GRIK4: variants seen among roughly 807,000 people sequenced by gnomAD.
GRIK4 encodes the protein glutamate receptor ionotropic, kainate 4.
GRIK4 carries 40 observed loss-of-function variants against 104.9 expected under a neutral mutation model. That is an observed-to-expected ratio of 0.38 (90% CI 0.30 to 0.50). The LOEUF is 0.50. Ranked by LOEUF, GRIK4 falls within the 20% of genes least tolerant of loss-of-function variation. The pLI is 0.93. For missense variants in GRIK4, 1,047 were observed against 1,308.1 expected, an observed-to-expected ratio of 0.80 and a Z score of 3.08; for synonymous variants, 485 against 524.9, an observed-to-expected ratio of 0.92 and a Z score of 1.04.
intron 3 of GRIK4, among the ~76,000 whole-genome samples, chr11:120,774,752 G>C (rs1952008766): frequency 6.6e-6 from 1 of 152,226 alleles, no homozygotes; most frequent in Admixed American, 6.5e-5. Flanking sequence ...GGAGGGGAAA[G>C]ATATCAGGGT....
chr11:120,970,638 G>A (rs1335205708), intron 19 of GRIK4, among the ~76,000 whole-genome samples: 1 of 151,808 alleles, frequency 6.6e-6, no homozygotes, highest in African/African-American at 2.4e-5. Flanking sequence ...AGCCCCATTG[G>A]CAAGCTCTGG....
chr11:120,983,967 C>T (rs190673335), intron 20 of GRIK4, among the ~76,000 whole-genome samples: 24 of 152,244 alleles, frequency 1.6e-4, no homozygotes, highest in Admixed American at 3.9e-4. Context: ...GGTTAAGTGA[C>T]TTGCCAAGAG....
intron 1 of GRIK4, among the ~76,000 whole-genome samples, chr11:120,580,196 GTTCTTTCTTTCTTTCTTTCTTTCT>G (rs71301639): frequency 1.8e-3 from 235 of 133,210 alleles, no homozygotes; most frequent in Admixed American, 2.6e-3. Context: ...GAGTACAAGG[GTTCTTTCTTTCTTTCTTTCTTTCT>G]TTCTTTCTTT....
At chr11:120,737,220 C>G (rs1001777963) in intron 3 of GRIK4, among the ~76,000 whole-genome samples, 3 of 152,090 alleles carry the variant, frequency 2.0e-5, no homozygotes, top group African/African-American at 7.2e-5. Context: ...CTTGTCACTA[C>G]TATTTGAATG....
rs985494252 is a variant in GRIK4, at chr11:120,551,676, G to A, written c.-159+39789G>A. Among the ~76,000 whole-genome samples the A allele has an allele frequency of 2.0e-5, 3 of 152,124 alleles. No homozygotes were observed. The East Asian group carries it at 5.8e-4, about 29-fold the overall frequency. On this transcript the variant is annotated intron_variant, in intron 1 of 20. Coordinates refer to ENST00000527524, the MANE Select transcript of GRIK4 (RefSeq NM_014619.5). ...GGCGCCTTTAGTCCCAACTGCTCGG[G>A]AGGCTGAGGCAGGAGAATCGATTGA...
At chr11:120,732,180 G>A (rs1159224591) in intron 3 of GRIK4, among the ~76,000 whole-genome samples, 1 of 151,976 alleles carries the variant, frequency 6.6e-6, no homozygotes, top group Non-Finnish European at 1.5e-5. Flanking sequence ...TGCCCAAACT[G>A]CAGTGCAGTG....
chr11:120,833,055 G>A (rs1041648001), intron 7 of GRIK4, among the ~76,000 whole-genome samples: 8 of 152,134 alleles, frequency 5.3e-5, no homozygotes, highest in African/African-American at 1.9e-4. Flanking sequence ...GGAGCCCGCA[G>A]ACACTCAGAT....
In GRIK4 at chr11:120,594,693, A is replaced by G. The variant is rs568316669; in HGVS notation, c.-158-58992A>G. Among the ~76,000 whole-genome samples the G allele has an allele frequency of 1.8e-4, 27 of 152,174 alleles. 1 individual carries two copies. Among genetic ancestry groups the G allele is most frequent in the African/African-American group, 4.1e-4 (17 of 41,524 alleles). On this transcript the variant is annotated intron_variant, in intron 1 of 20. Transcript: ENST00000527524. The stretch of plus-strand genomic sequence containing the variant: ...TTCAGATATAGGGTACTTTTCTTCC[A>G]TGAAAGAGGTGGTGGTATTTTCAGG...
intron 8 of GRIK4, among the ~76,000 whole-genome samples, chr11:120,842,460 G>T (rs967771293): frequency 6.6e-6 from 1 of 152,224 alleles, no homozygotes; most frequent in Non-Finnish European, 1.5e-5. Flanking sequence ...CATGTGCCCA[G>T]GGAGAAGAGG....
chr11:120,554,851 G>A (rs906701471), intron 1 of GRIK4, among the ~76,000 whole-genome samples: 24 of 152,294 alleles, frequency 1.6e-4, no homozygotes, highest in African/African-American at 5.5e-4. Flanking sequence ...GAGCCACCGC[G>A]CCTGGCCCCT....
rs1351975249 is a variant in GRIK4, at chr11:120,745,789, A to G, written c.83-56904A>G. On this transcript the variant is annotated intron_variant, in intron 3 of 20. Transcript: ENST00000527524. ...TAGGGGCCAGGATGAAGACTGAGAA[A>G]GAGATAGAGCTTGTTTTGGACTGTA... Among the ~76,000 whole-genome samples, 3 of 152,218 alleles carry G rather than the reference A, an allele frequency of 2.0e-5. No individual in the cohort carries two copies. The South Asian group carries it at 6.2e-4, about 32-fold the overall frequency.
At chr11:120,798,943 T>C (rs975207972) in intron 3 of GRIK4, among the ~76,000 whole-genome samples, 2 of 152,194 alleles carry the variant, frequency 1.3e-5, no homozygotes, top group African/African-American at 4.8e-5. Context: ...AGCACACTCT[T>C]GAATGTTTAC....
chr11:120,891,154 A>C (rs1033680983), intron 11 of GRIK4, among the ~76,000 whole-genome samples: 51 of 152,326 alleles, frequency 3.3e-4, no homozygotes, highest in African/African-American at 1.2e-3. Flanking sequence ...CCTCAGCGGC[A>C]GGGCGTGCAA....
chr11:120,842,877 G>T (rs141880212), intron 8 of GRIK4, among the ~76,000 whole-genome samples: 2 of 152,272 alleles, frequency 1.3e-5, no homozygotes, highest in Admixed American at 1.3e-4. Flanking sequence ...GGTTGATGCC[G>T]TAAGAGAAGA....
chr11:120,617,326 A>G (rs1016441142), intron 1 of GRIK4, among the ~76,000 whole-genome samples: 27 of 152,152 alleles, frequency 1.8e-4, no homozygotes, highest in African/African-American at 6.5e-4. Flanking sequence ...AAGAAGATTA[A>G]TAGTTCATGA....
chr11:120,844,935 G>A (rs1244241440), intron 8 of GRIK4, among the ~76,000 whole-genome samples: 2 of 152,180 alleles, frequency 1.3e-5, no homozygotes, highest in Non-Finnish European at 2.9e-5. Flanking sequence ...GGCTGATTGT[G>A]ACAAGTGGTC....
intron 1 of GRIK4, among the ~76,000 whole-genome samples, chr11:120,570,751 C>A (rs1948388084): frequency 6.6e-6 from 1 of 152,178 alleles, no homozygotes; most frequent in African/African-American, 2.4e-5. Flanking sequence ...TAATGCCCAG[C>A]CAATTTTCTG....
intron 3 of GRIK4, among the ~76,000 whole-genome samples, chr11:120,784,390 C>G (rs997254317): frequency 1.3e-5 from 2 of 152,170 alleles, no homozygotes; most frequent in Non-Finnish European, 2.9e-5. Flanking sequence ...CCAGATTTTT[C>G]TACCCATATT....
rs1309063111 is a variant in GRIK4 at position 120,986,459 on chromosome 11, G to A, written c.*199G>A. The A allele has an allele frequency of 8.5e-6, 6 of 704,264 alleles. No homozygotes were observed. The highest frequency in any genetic ancestry group is 1.9e-5 in the African/African-American group (1 of 52,262). The allele number at this position is 704,264 out of a possible 1,614,324, so 43.6% of individuals were successfully genotyped here. ...CCCGGTCAGGGAGCAGGGTCCACCC[G>A]GAAACGTTGCACCCAAAGGGCAAAG... On this transcript the variant is annotated 3_prime_UTR_variant, in exon 21 of 21. Transcript: ENST00000527524.
Sources: gnomAD v4.1 joint callset for allele counts (sites outside exome capture counted in the v4.1 genomes callset) on GRCh38, gnomAD v4.1.1 for gene constraint, MANE v1.5 for transcripts, NCBI Gene and HGNC (gene_info 2026-07-23, HGNC 2026-07-21) for gene names.